AFDN: variants seen among roughly 807,000 people sequenced by gnomAD.
AFDN encodes the protein afadin.
A neutral mutation model predicts 216.6 loss-of-function variants in AFDN; 68 were observed. The ratio of observed to expected loss-of-function variants is 0.31; its 90% CI spans 0.26 to 0.38. The LOEUF (loss-of-function observed/expected upper bound fraction) is 0.38. Among genes scored for constraint, AFDN ranks in the 10% least tolerant of loss-of-function variants. The probability of loss-of-function intolerance (pLI) is 1.00; values close to 1 mark genes in which losing one functional copy is unlikely to be tolerated. For synonymous variants in AFDN, 868 were observed against 853.7 expected, an observed-to-expected ratio of 1.02 and a Z score of -0.29; for missense variants, 2,136 against 2,342.0, an observed-to-expected ratio of 0.91 and a Z score of 1.82.
chr6:167,854,403 T>C (rs1007217828), intron 1 of AFDN, among the ~76,000 whole-genome samples: 4 of 152,110 alleles, frequency 2.6e-5, no homozygotes, highest in Non-Finnish European at 1.5e-5. Context: ...CTTGGTACTT[T>C]ACCTATTGTG....
At chr6:167,894,042 G>T in intron 9 of AFDN, 136 bp downstream of exon 9, 2 of 668,040 alleles carry the variant, frequency 3.0e-6, no homozygotes, top group Non-Finnish European at 5.3e-6. Flanking sequence ...GAAATTTAAT[G>T]TACTGTCATT....
At chr6:167,897,240 A>G (rs561423968) in intron 10 of AFDN, among the ~76,000 whole-genome samples, 3 of 152,174 alleles carry the variant, frequency 2.0e-5, no homozygotes, top group African/African-American at 4.8e-5. Context: ...GATGGTGATG[A>G]TACTTTTATA....
chr6:167,856,426 A>G (rs982215312), intron 1 of AFDN, among the ~76,000 whole-genome samples: 3 of 152,032 alleles, frequency 2.0e-5, no homozygotes, highest in African/African-American at 7.2e-5. Context: ...TATACACATT[A>G]TGGTTGGAAG....
intron 31 of AFDN, among the ~76,000 whole-genome samples, chr6:167,965,436 G>A (rs1352078356): frequency 6.6e-6 from 1 of 152,208 alleles, no homozygotes; most frequent in Non-Finnish European, 1.5e-5. Context: ...CAGGAGCGTG[G>A]AGGAAGGAAA....
rs1437420827 is a variant in AFDN at position 167,872,271 on chromosome 6, A to C, written c.472A>C (p.Lys158Gln). ...QEKEGVIQNF[K>Q]RTLSKKEKKE... ...AAAAGAAGGGGTTATCCAGAACTTC[A>C]AGAGAACTCTCTCAAAGAAAGAAAA... Residue 158 changes from lysine (K) to glutamine (Q), a missense_variant, in exon 4 of 34, where the codon AAG becomes CAG. Transcript: ENST00000683244. The C allele has an allele frequency of 2.5e-6, 4 of 1,613,758 alleles. No individual in the cohort carries two copies. The highest frequency in any genetic ancestry group is 3.4e-6 in the Non-Finnish European group (4 of 1,179,928).
At chr6:167,842,890 T>C (rs1208147728) in intron 1 of AFDN, among the ~76,000 whole-genome samples, 2 of 152,200 alleles carry the variant, frequency 1.3e-5, no homozygotes, top group African/African-American at 4.8e-5. Context: ...TAAAGTTTTA[T>C]AAAAACACAT....
At chr6:167,863,789 T>A (rs764535428) in intron 1 of AFDN, 3 of 518,510 alleles carry the variant, frequency 5.8e-6, no homozygotes, top group African/African-American at 5.8e-5. Flanking sequence ...ACCAATGTGC[T>A]TTTTCTCTAG....
rs1791163825 is a variant in AFDN at position 167,917,011 on chromosome 6, T to C, written c.2566-78T>C. On this transcript the variant is annotated intron_variant, in intron 19 of 33. Transcript: ENST00000683244. ...GTTAAATTAGCAAGTTATATTTTTA[T>C]AAATATTACATAAAGGATAATATTT... is the stretch of plus-strand genomic sequence containing the variant. 4 of 1,268,458 alleles carry C rather than the reference T, an allele frequency of 3.2e-6. No individual in the cohort carries two copies. The East Asian group carries it at 1.0e-4, about 33-fold the overall frequency. The allele number at this position is 1,268,458 out of a possible 1,614,324, so 78.6% of individuals were successfully genotyped here.
intron 33 of AFDN, among the ~76,000 whole-genome samples, chr6:167,969,416 T>C (rs1476283684): frequency 2.0e-5 from 3 of 152,216 alleles, no homozygotes; most frequent in Non-Finnish European, 4.4e-5. Flanking sequence ...TATTATTAAA[T>C]TTGGCATATT....
At chr6:167,859,672 A>G (rs1398789161) in intron 1 of AFDN, among the ~76,000 whole-genome samples, 1 of 152,068 alleles carries the variant, frequency 6.6e-6, no homozygotes, top group African/African-American at 2.4e-5. Flanking sequence ...GTTGATTGTT[A>G]GTTTTATTAA....
At chr6:167,900,332 TTTGATA>T (rs1346963370) in intron 11 of AFDN, among the ~76,000 whole-genome samples, 3 of 152,138 alleles carry the variant, frequency 2.0e-5, no homozygotes, top group Non-Finnish European at 4.4e-5. Context: ...AGTGGCAAAG[TTTGATA>T]TTGATAGTTT....
At chr6:167,914,131 A>G (rs1419914212) in intron 16 of AFDN, 37 bp from the exon 17 acceptor site, 2 of 1,608,268 alleles carry the variant, frequency 1.2e-6, no homozygotes, top group African/African-American at 2.7e-5. Flanking sequence ...ACTTTTGTTT[A>G]TTCTCTGTTG....
intron 1 of AFDN, among the ~76,000 whole-genome samples, chr6:167,864,096 C>A (rs1783892264): frequency 1.3e-5 from 2 of 152,170 alleles, no homozygotes; most frequent in Non-Finnish European, 2.9e-5. Context: ...GCAGTACAGG[C>A]ACGGACTTTG....
At chr6:167,946,071 A>G (rs1795220674) in intron 26 of AFDN, among the ~76,000 whole-genome samples, 1 of 152,180 alleles carries the variant, frequency 6.6e-6, no homozygotes, top group Non-Finnish European at 1.5e-5. Flanking sequence ...CACACCACCC[A>G]AGGGGCAGCT....
At chr6:167,955,670 G>A (rs905326928) in intron 30 of AFDN, among the ~76,000 whole-genome samples, 3 of 152,108 alleles carry the variant, frequency 2.0e-5, no homozygotes, top group African/African-American at 7.2e-5. Context: ...AATAATGCTT[G>A]CAATAAGGTT....
At chr6:167,901,972 A>G (rs1789024620) in intron 11 of AFDN, among the ~76,000 whole-genome samples, 2 of 151,874 alleles carry the variant, frequency 1.3e-5, no homozygotes, top group South Asian at 2.1e-4. Context: ...CCTTGTCTGT[A>G]ATACCAGTTA....
At chr6:167,868,201 T>G (rs1373036727) in intron 2 of AFDN, among the ~76,000 whole-genome samples, 1 of 152,202 alleles carries the variant, frequency 6.6e-6, no homozygotes, top group African/African-American at 2.4e-5. Context: ...AGCAAAGTAC[T>G]GTTTTCCAGA....
intron 9 of AFDN, among the ~76,000 whole-genome samples, chr6:167,894,465 G>C (rs546659428): frequency 6.6e-6 from 1 of 152,082 alleles, no homozygotes. Context: ...TTTTGGCAAC[G>C]GTTTTATATG....
chr6:167,918,286 G>T (rs1006973308), intron 20 of AFDN, among the ~76,000 whole-genome samples: 2 of 152,054 alleles, frequency 1.3e-5, no homozygotes, highest in Non-Finnish European at 2.9e-5. Flanking sequence ...TTCCAAACTG[G>T]CAAAAATACT....
Sources: gnomAD v4.1 joint callset for allele counts (sites outside exome capture counted in the v4.1 genomes callset) on GRCh38, gnomAD v4.1.1 for gene constraint, MANE v1.5 for transcripts, NCBI Gene and HGNC (gene_info 2026-07-23, HGNC 2026-07-21) for gene names.